TRMU: variants seen among roughly 807,000 people sequenced by gnomAD.
The protein encoded by TRMU is tRNA mitochondrial 2-thiouridylase.
In TRMU, 49 loss-of-function variants were observed where a neutral mutation model predicts 46.9. The observed-to-expected ratio is 1.05, with a 90% CI of 0.83 to 1.33. The LOEUF (loss-of-function observed/expected upper bound fraction) is 1.33. Ranked by LOEUF, TRMU falls within the 40% of genes most tolerant of loss-of-function variation. The pLI is 0.00. For missense variants in TRMU, 572 were observed against 532.4 expected, an observed-to-expected ratio of 1.07 and a Z score of -0.73; for synonymous variants, 241 against 200.9, an observed-to-expected ratio of 1.20 and a Z score of -1.69.
At position 46,351,929 on chromosome 22, in the gene TRMU, C is replaced by A; in HGVS notation, c.652-192C>A. On this transcript the variant is annotated intron_variant, in intron 5 of 10. Transcript: ENST00000645190. The surrounding 1 kb of genome is among the most constrained non-coding windows in gnomAD (Gnocchi z 6.4). ...CCGCGGGCCGAGACAATGAGGCGTT[C>A]TCTAAGGCTCTGGCATCGTGTGCGC... 1 of 738,306 alleles carries A rather than the reference C, an allele frequency of 1.4e-6. No individual in the cohort carries two copies. The allele number at this position is 738,306 out of a possible 1,614,324, so 45.7% of individuals were successfully genotyped here.
intron 10 of TRMU, 138 bp downstream of exon 10, chr22:46,356,210 C>T (rs1224553950): frequency 5.6e-6 from 5 of 889,396 alleles, no homozygotes; most frequent in South Asian, 1.5e-5. Context: ...GGCAGAGTGC[C>T]ACCAGCCCTG....
chr22:46,346,209 G>C (rs540433751), intron 3 of TRMU, among the ~76,000 whole-genome samples: 3 of 152,322 alleles, frequency 2.0e-5, no homozygotes, highest in East Asian at 1.9e-4. Flanking sequence ...TAGCAAGGTT[G>C]TATCAGCTTA....
At position 46,338,689 on chromosome 22, in the gene TRMU, G is replaced by A. The variant is rs2078044090; in HGVS notation, c.248+745G>A. Reference sequence around the variant, plus strand: ...GGTAACGAGAGCAGCGTGAAGGGGAGAAGAAATGCTGATTGTGTATTTCAG... The same window carrying A: ...GGTAACGAGAGCAGCGTGAAGGGGAAAAGAAATGCTGATTGTGTATTTCAG... On this transcript the variant is annotated intron_variant, in intron 2 of 10. Coordinates refer to ENST00000645190, the MANE Select transcript of TRMU (RefSeq NM_018006.5). The surrounding 1 kb of genome is among the most constrained non-coding windows in gnomAD (Gnocchi z 4.5). Among the ~76,000 whole-genome samples, 2 of 152,364 alleles carry A rather than the reference G, an allele frequency of 1.3e-5. No homozygotes were observed. Among genetic ancestry groups the A allele is most frequent in the East Asian group, 3.9e-4 (2 of 5,188 alleles).
chr22:46,346,228 A>G (rs546047555), intron 3 of TRMU, among the ~76,000 whole-genome samples, 194 bp from the exon 4 acceptor site: 5 of 152,226 alleles, frequency 3.3e-5, no homozygotes, highest in African/African-American at 7.2e-5. Flanking sequence ...TAAGAGTTCA[A>G]GGCTGCTTGT....
At chr22:46,345,537 A>G (rs2078230280) in intron 3 of TRMU, among the ~76,000 whole-genome samples, 1 of 152,198 alleles carries the variant, frequency 6.6e-6, no homozygotes, top group Admixed American at 6.5e-5. Flanking sequence ...AAAGAGGAGA[A>G]ACGACACCTA....
Position 46,357,029 on chromosome 22 carries a change from A to T in TRMU, c.*23A>T. The T allele has an allele frequency of 6.2e-7, 1 of 1,613,204 alleles. No individual in the cohort carries two copies. Among genetic ancestry groups the T allele is most frequent in the Non-Finnish European group, 8.5e-7 (1 of 1,179,964 alleles). ...TGACAGAGATGGATCTGCTAGAAGGAACCTGGAGAGCAGGACCCATGGCTG... is the reference window on the plus strand; with the variant it reads ...TGACAGAGATGGATCTGCTAGAAGGTACCTGGAGAGCAGGACCCATGGCTG... On this transcript the variant is annotated 3_prime_UTR_variant, in exon 11 of 11. Transcript: ENST00000645190.
rs754590570 is a variant in TRMU at position 46,337,919 on chromosome 22, A to G, written c.223A>G (p.Lys75Glu). Reference sequence around the variant, plus strand: ...CCCTTTCCATCAAGTGTCCTACGTAAAGGAGTATTGGAATGATGTGTTCAG... The same window carrying G: ...CCCTTTCCATCAAGTGTCCTACGTAGAGGAGTATTGGAATGATGTGTTCAG... ...DIPFHQVSYV[K>E]EYWNDVFSDF... Residue 75 changes from lysine (K) to glutamate (E), a missense_variant, in exon 2 of 11, where the codon AAG becomes GAG. By Grantham distance (56) the Lys-to-Glu change is moderately conservative. Coordinates refer to ENST00000645190, the MANE Select transcript of TRMU (RefSeq NM_018006.5). 28 of 1,614,068 alleles carry G rather than the reference A, an allele frequency of 1.7e-5. No individual in the cohort carries two copies. The highest frequency in any genetic ancestry group is 2.3e-5 in the Non-Finnish European group (27 of 1,180,040).
intron 8 of TRMU, chr22:46,355,005 A>C: frequency 1.3e-5 from 3 of 236,200 alleles, no homozygotes; most frequent in Non-Finnish European, 1.7e-5. Flanking sequence ...CTCCTCAGCC[A>C]TTTGGTGTGT....
chr22:46,356,092 G>A lies in TRMU; in HGVS notation c.1101+20G>A, dbSNP rs761713421. The A allele has an allele frequency of 1.2e-6, 2 of 1,613,476 alleles. No individual in the cohort carries two copies. Among genetic ancestry groups the A allele is most frequent in the Non-Finnish European group, 1.7e-6 (2 of 1,179,768 alleles). On this transcript the variant is annotated intron_variant, in intron 10 of 10. Transcript: ENST00000645190. ...GGACAGGTGCGTGGGGTGTGGGGGT[G>A]AGCCCGGGGAGGACTGTACTGCTCT...
Position 46,356,000 on chromosome 22 carries a change from G to A in TRMU, c.1029G>A (p.Val343=), listed in dbSNP as rs370887789. 1.1e-5 allele frequency: 17 copies of A among 1,613,898 alleles called. No individual in the cohort carries two copies. Among genetic ancestry groups the A allele is most frequent in the South Asian group, 8.8e-5 (8 of 91,084 alleles). ...CTCTCTTCTACCCAGTGCCCTGTGT[G>A]CTGACCCTCAATCAAGATGGCACCG... ...FRHQMALVPC[V]LTLNQDGTVW... Residue 343 remains valine (V), a synonymous_variant, in exon 10 of 11, where the codon GTG becomes GTA. Transcript: ENST00000645190.
chr22:46,345,549 A>C (rs1367940234), intron 3 of TRMU, among the ~76,000 whole-genome samples: 1 of 152,160 alleles, frequency 6.6e-6, no homozygotes, highest in Non-Finnish European at 1.5e-5. Context: ...CGACACCTAT[A>C]ATTTCACTCT....
At chr22:46,346,346 G>C (rs1028895101) in intron 3 of TRMU, 76 bp from the exon 4 acceptor site, 2 of 1,554,706 alleles carry the variant, frequency 1.3e-6, no homozygotes, top group African/African-American at 2.8e-5. Flanking sequence ...CTCTTCTTTT[G>C]TGCCTTGGTT....
At position 46,348,108 on chromosome 22, in the gene TRMU, G is replaced by C. The variant is rs866659216; in HGVS notation, c.478+1564G>C. Among the ~76,000 whole-genome samples the C allele has an allele frequency of 1.2e-4, 18 of 152,178 alleles. No homozygotes were observed. The highest frequency in any genetic ancestry group is 2.1e-4 in the South Asian group (1 of 4,820). The stretch of plus-strand genomic sequence containing the variant: ...AGCCCCCCATTTCAGGAAGACATGG[G>C]TTGGAATGCAGAGTCCTGCCACTTG... On this transcript the variant is annotated intron_variant, in intron 4 of 10. Transcript: ENST00000645190. The surrounding 1 kb of genome is among the most constrained non-coding windows in gnomAD (Gnocchi z 4.8).
At chr22:46,355,854 C>CA in intron 9 of TRMU, 136 bp from the exon 10 acceptor site, 1 of 1,106,308 alleles carries the variant, frequency 9.0e-7, no homozygotes, top group Non-Finnish European at 1.3e-6. Flanking sequence ...GCGTCCAGGG[C>CA]CCAGGCTGGT....
intron 10 of TRMU, 69 bp from the exon 11 acceptor site, chr22:46,356,773 C>T (rs1333386518): frequency 6.3e-7 from 1 of 1,583,728 alleles, no homozygotes; most frequent in East Asian, 2.2e-5. Context: ...CATAGGGGAG[C>T]ACTCTGCCCC....
intron 1 of TRMU, 148 bp from the exon 2 acceptor site, chr22:46,337,631 C>A: frequency 1.0e-6 from 1 of 992,204 alleles, no homozygotes; most frequent in Non-Finnish European, 1.5e-6. Flanking sequence ...ATCCCTGAAG[C>A]CACATGGCAA....
chr22:46,356,781 C>T, intron 10 of TRMU, 61 bp from the exon 11 acceptor site: 1 of 1,598,978 alleles, frequency 6.3e-7, no homozygotes, highest in Non-Finnish European at 8.5e-7. Flanking sequence ...AGCACTCTGC[C>T]CCTGCCTGCC....
Position 46,351,660 on chromosome 22 carries a change from G to A in TRMU, c.652-461G>A. ...GCCCCTGATGGGGCCACGGTGGAGA[G>A]CGCACGCCACCCAGGCTCCCCAGCT... On this transcript the variant is annotated intron_variant, in intron 5 of 10. Coordinates refer to ENST00000645190, the MANE Select transcript of TRMU (RefSeq NM_018006.5). The surrounding 1 kb of genome is among the most constrained non-coding windows in gnomAD (Gnocchi z 6.4). The A allele has an allele frequency of 3.4e-6, 1 of 290,324 alleles. No individual in the cohort carries two copies. The highest frequency in any genetic ancestry group is 6.7e-6 in the Non-Finnish European group (1 of 148,248). 18.0% of individuals were successfully genotyped at this position (290,324 alleles called of 1,614,324 possible). A position where few individuals can be genotyped will look rare whatever the true frequency, so the allele number is the denominator to read the frequency against.
At chr22:46,345,237 A>G (rs2078221474) in intron 3 of TRMU, among the ~76,000 whole-genome samples, 2 of 152,098 alleles carry the variant, frequency 1.3e-5, no homozygotes, top group Non-Finnish European at 2.9e-5. Context: ...TGTCTAGCTA[A>G]TTTTTGTACT....
Sources: allele counts gnomAD v4.1 joint callset (sites outside exome capture counted in the v4.1 genomes callset), GRCh38; gene constraint gnomAD v4.1.1; non-coding constraint Gnocchi (gnomAD v3.1); transcripts MANE v1.5; gene names NCBI Gene and HGNC (gene_info 2026-07-23, HGNC 2026-07-21).